The following ATP8A2 variants were observed in gnomAD, a reference collection of about 807,000 sequenced individuals.
The protein encoded by ATP8A2 is phospholipid-transporting ATPase IB.
In ATP8A2, 100 loss-of-function variants were observed where a neutral mutation model predicts 165.6. The ratio of observed to expected loss-of-function variants is 0.60; its 90% CI spans 0.51 to 0.71. The LOEUF is 0.71. Among genes scored for constraint, ATP8A2 ranks in the 30% least tolerant of loss-of-function variants. ATP8A2 has a pLI of 0.00. For synonymous variants in ATP8A2, 543 were observed against 548.8 expected (o/e 0.99, Z 0.15); for missense variants, 1,227 against 1,479.5 (o/e 0.83, Z 2.80).
At chr13:25,530,409 G>A (rs9581376) in intron 3 of ATP8A2, among the ~76,000 whole-genome samples, 153 bp from the exon 4 acceptor site, 97,537 of 152,094 alleles carry the variant, frequency 0.64, 32,379 homozygotes, top group Middle Eastern at 0.72. Flanking sequence ...TGTAAAATAC[G>A]TAGCTAGTTT....
In ATP8A2 at chr13:25,961,682, C is replaced by T. The variant is rs376466482; in HGVS notation, c.3272+19C>T. ...GGAGAGCGTAAGTTTAACAGTGAAG[C>T]GGGGACCCTAAGTCTGGCTCATCTG... On this transcript the variant is annotated intron_variant, in intron 34 of 36. Transcript: ENST00000381655. The T allele has an allele frequency of 3.5e-5, 56 of 1,578,016 alleles. No homozygotes were observed. Among genetic ancestry groups the T allele is most frequent in the Non-Finnish European group, 4.5e-5 (52 of 1,147,390 alleles).
intron 1 of ATP8A2, among the ~76,000 whole-genome samples, chr13:25,420,118 A>C (rs1261205106): frequency 6.6e-6 from 1 of 152,242 alleles, no homozygotes; most frequent in Non-Finnish European, 1.5e-5. Flanking sequence ...CAGACTTAAT[A>C]TTGGGAGCAT....
At chr13:25,780,190 T>A (rs2044841403) in intron 27 of ATP8A2, among the ~76,000 whole-genome samples, 1 of 152,192 alleles carries the variant, frequency 6.6e-6, no homozygotes, top group Non-Finnish European at 1.5e-5. Context: ...CTTGTAAACT[T>A]TGGTATAACA....
chr13:25,880,989 T>G (rs1306229589), intron 33 of ATP8A2: 2 of 454,682 alleles, frequency 4.4e-6, no homozygotes, highest in East Asian at 7.0e-5. Flanking sequence ...ATTGAGTTTG[T>G]GTAGACCTGG....
chr13:25,789,043 A>G (rs1422391978), intron 27 of ATP8A2, among the ~76,000 whole-genome samples: 1 of 152,218 alleles, frequency 6.6e-6, no homozygotes, highest in Admixed American at 6.5e-5. Flanking sequence ...CTCAGATTCT[A>G]AACAGAAATA....
chr13:25,530,092 A>G lies in ATP8A2; in HGVS notation c.315A>G (p.Leu105=). 6.3e-7 allele frequency: 1 copy of G among 1,576,686 alleles called. No homozygotes were observed. The highest frequency in any genetic ancestry group is 8.7e-7 in the Non-Finnish European group (1 of 1,148,352). The part of the protein sequence containing the change: ...AANAFFLFIA[L]LQQIPDVSPT... ...ATGCCTTCTTTCTCTTCATTGCCTT[A>G]TTACAGGTAATGGTTTTTTAACAGT... The change falls in exon 3 of 37, where the codon TTA becomes TTG. Residue 105 remains leucine, a synonymous_variant. Coordinates refer to ENST00000381655, the MANE Select transcript of ATP8A2 (RefSeq NM_016529.6).
At chr13:25,376,045 C>T (rs1389098230) in intron 1 of ATP8A2, among the ~76,000 whole-genome samples, 3 of 152,060 alleles carry the variant, frequency 2.0e-5, no homozygotes, top group African/African-American at 7.3e-5. Flanking sequence ...AAATACAAGC[C>T]GTGCTAATGT....
intron 10 of ATP8A2, among the ~76,000 whole-genome samples, chr13:25,545,177 C>T (rs1419593025): frequency 6.6e-6 from 1 of 151,792 alleles, no homozygotes; most frequent in African/African-American, 2.4e-5. Flanking sequence ...TGTTGCAGAG[C>T]TTGTGTGTTG....
chr13:25,878,076 C>T (rs1952866392), intron 33 of ATP8A2, among the ~76,000 whole-genome samples: 1 of 152,148 alleles, frequency 6.6e-6, no homozygotes, highest in Admixed American at 6.6e-5. Flanking sequence ...TGGGGGTTCA[C>T]TTACGCCCTT....
intron 33 of ATP8A2, among the ~76,000 whole-genome samples, chr13:25,875,106 T>C (rs1309810261): frequency 6.7e-6 from 1 of 150,234 alleles, no homozygotes; most frequent in Non-Finnish European, 1.5e-5. Flanking sequence ...GGAGGGGAAA[T>C]GAAGAGCTGC....
intron 1 of ATP8A2, among the ~76,000 whole-genome samples, chr13:25,398,152 A>G (rs1307577488): frequency 1.3e-5 from 2 of 152,190 alleles, no homozygotes; most frequent in African/African-American, 4.8e-5. Flanking sequence ...TCCCCACATG[A>G]GATGGCTTTG....
intron 27 of ATP8A2, among the ~76,000 whole-genome samples, chr13:25,824,583 CT>C (rs1472424940): frequency 2.0e-5 from 3 of 152,170 alleles, no homozygotes; most frequent in African/African-American, 4.8e-5. Context: ...ACTTCCTGCT[CT>C]GGTCTCCTAT....
chr13:25,519,913 A>T (rs969633317), intron 2 of ATP8A2, among the ~76,000 whole-genome samples: 23 of 152,332 alleles, frequency 1.5e-4, no homozygotes, highest in African/African-American at 4.3e-4. Context: ...TTACATTTTT[A>T]AAAAGTTGCT....
intron 16 of ATP8A2, among the ~76,000 whole-genome samples, chr13:25,567,774 A>T (rs1283353986): frequency 2.0e-5 from 3 of 152,240 alleles, no homozygotes; most frequent in Non-Finnish European, 1.5e-5. Context: ...GACATTTAAC[A>T]TCTAGCTGCA....
intron 18 of ATP8A2, among the ~76,000 whole-genome samples, chr13:25,572,572 A>C (rs534274401): frequency 1.3e-5 from 2 of 152,290 alleles, no homozygotes; most frequent in African/African-American, 4.8e-5. Flanking sequence ...ATTATATCAA[A>C]TAGGAGGTCA....
chr13:25,562,361 C>T (rs1462040222), intron 15 of ATP8A2, among the ~76,000 whole-genome samples: 3 of 152,144 alleles, frequency 2.0e-5, no homozygotes, highest in African/African-American at 7.2e-5. Context: ...GTTTTGATTT[C>T]TGTTTCCCTT....
rs1566119701 is a variant in ATP8A2 at position 25,769,108 on chromosome 13, CCCT to C, written c.2449_2451del (p.Leu817del). On this transcript the variant is annotated inframe_deletion, in exon 26 of 37. Coordinates refer to ENST00000381655, the MANE Select transcript of ATP8A2 (RefSeq NM_016529.6). ...GTGAAGAAGCGGGTGAAGGCCATCA[CCCT>C]CGCCATCGGAGACGGCGCCAACGAT... 6.2e-7 allele frequency: 1 copy of C among 1,614,190 alleles called. No individual in the cohort carries two copies. Among genetic ancestry groups the C allele is most frequent in the South Asian group, 1.1e-5 (1 of 91,084 alleles).
intron 24 of ATP8A2, among the ~76,000 whole-genome samples, chr13:25,616,373 C>T (rs1330800460): frequency 2.1e-5 from 3 of 143,652 alleles, no homozygotes; most frequent in African/African-American, 7.9e-5. Context: ...CTGTTGTCAC[C>T]CAGTCTGGAG....
chr13:25,410,761 C>T (rs1056822798), intron 1 of ATP8A2, among the ~76,000 whole-genome samples: 2 of 152,176 alleles, frequency 1.3e-5, no homozygotes, highest in African/African-American at 2.4e-5. Context: ...TCTACAGTAA[C>T]CATAGCTGTC....
Sources: allele counts gnomAD v4.1 joint callset (sites outside exome capture counted in the v4.1 genomes callset), GRCh38; gene constraint gnomAD v4.1.1; transcripts MANE v1.5; gene names NCBI Gene and HGNC (gene_info 2026-07-23, HGNC 2026-07-21).